TPMT: variants seen among roughly 807,000 people sequenced by gnomAD.
TPMT encodes thiopurine S-methyltransferase, also known as S-adenosyl-L-methionine:thiopurine S-methyltransferase.
Under a neutral mutation model 34.2 loss-of-function variants are expected in TPMT, and 18 were observed. The observed-to-expected ratio is 0.53, with a 90% CI of 0.36 to 0.78. The LOEUF (loss-of-function observed/expected upper bound fraction) is 0.78, where lower values mean the gene tolerates loss of function less well. Among genes scored for constraint, TPMT ranks in the 30% least tolerant of loss-of-function variants. TPMT has a pLI of 0.00. For missense variants in TPMT, 265 were observed against 288.1 expected (o/e 0.92, Z 0.58); for synonymous variants, 69 against 92.4 (o/e 0.75, Z 1.45).
chr6:18,132,237 A>G lies in TPMT; in HGVS notation c.581-60T>C. On this transcript the variant is annotated intron_variant, in intron 7 of 8. Transcript: ENST00000309983. The surrounding 1 kb of genome is among the most constrained non-coding windows in gnomAD (Gnocchi z 4.8). ...CCAATGACGTAGGTGTACTTGTTCT[A>G]CATACAACTTCATTATCCAAATAGG... The G allele has an allele frequency of 2.0e-6, 3 of 1,506,508 alleles. No homozygotes were observed. In the South Asian group the frequency reaches 3.4e-5, roughly 17 times the overall value. The allele number at this position is 1,506,508 out of a possible 1,614,324, so 93.3% of individuals were successfully genotyped here.
intron 6 of TPMT, among the ~76,000 whole-genome samples, chr6:18,134,281 T>C (rs982578170): frequency 2.0e-5 from 3 of 152,148 alleles, no homozygotes; most frequent in Admixed American, 1.3e-4. Flanking sequence ...GGGGTGCTTG[T>C]TGAAAGAAAA....
Position 18,131,199 on chromosome 6 carries a change from CTT to C in TPMT, c.626-421_626-420del, listed in dbSNP as rs1783932962. 6.6e-6 allele frequency among the ~76,000 whole-genome samples: 1 copy of C among 152,202 alleles called. No individual in the cohort carries two copies. Among genetic ancestry groups the C allele is most frequent in the African/African-American group, 2.4e-5 (1 of 41,450 alleles). On this transcript the variant is annotated intron_variant, in intron 8 of 8. Coordinates refer to ENST00000309983, the MANE Select transcript of TPMT (RefSeq NM_000367.5). This position sits in a 1 kb window ranked among gnomAD's most constrained non-coding sequence, Gnocchi z 4.3. ...AACAGTGTACACTAAACATTTTTCTCTTCTTTTTAATCAAAACAGAGGAATGC... is the reference window on the plus strand; with the variant it reads ...AACAGTGTACACTAAACATTTTTCTCCTTTTTAATCAAAACAGAGGAATGC...
At chr6:18,134,792 T>C (rs1053599067) in intron 6 of TPMT, among the ~76,000 whole-genome samples, 4 of 152,148 alleles carry the variant, frequency 2.6e-5, no homozygotes, top group Non-Finnish European at 4.4e-5. Flanking sequence ...AAGTCAGCTA[T>C]GTGGGAATAA....
chr6:18,134,007 C>T lies in TPMT; in HGVS notation c.495-118G>A, dbSNP rs550507177. On this transcript the variant is annotated intron_variant, in intron 6 of 8. Coordinates refer to ENST00000309983, the MANE Select transcript of TPMT (RefSeq NM_000367.5). ...TCGCTGATACTACTGAGTTTAAATT[C>T]TCCTAATAATCACAAGAGGTTGATT... 2.0e-5 allele frequency: 15 copies of T among 767,470 alleles called. No homozygotes were observed. The African/African-American group carries it at 2.3e-4, about 12-fold the overall frequency. 47.5% of individuals were successfully genotyped at this position (767,470 alleles called of 1,614,324 possible). A position where few individuals can be genotyped will look rare whatever the true frequency, so the allele number is the denominator to read the frequency against.
Position 18,140,783 on chromosome 6 carries a change from CT to C in TPMT, c.367-1067del, listed in dbSNP as rs1784123372. Among the ~76,000 whole-genome samples the C allele has an allele frequency of 6.6e-6, 1 of 152,144 alleles. No individual in the cohort carries two copies. Among genetic ancestry groups the C allele is most frequent in the East Asian group, 1.9e-4 (1 of 5,192 alleles). On this transcript the variant is annotated intron_variant, in intron 4 of 8. Transcript: ENST00000309983. The surrounding 1 kb of genome is among the most constrained non-coding windows in gnomAD (Gnocchi z 4.7). ...AGAGGTGACTTTTGAAAGGGTGACA[CT>C]CTAGGGTGTGGACTGGGGGCACACT... is the stretch of plus-strand genomic sequence containing the variant.
In TPMT at chr6:18,133,819, G is replaced by T; in HGVS notation, c.565C>A (p.Pro189Thr). Residue 189 changes from proline to threonine, a missense_variant, in exon 7 of 9, where the codon CCA becomes ACA. Transcript: ENST00000309983. Reference sequence around the variant, plus strand: ...ACAACTTTACCTGGATGTTTAGTTGGATCATAAGAAAGAACACACAGGAGA... The same window carrying T: ...ACAACTTTACCTGGATGTTTAGTTGTATCATAAGAAAGAACACACAGGAGA... ...QYLLCVLSYD[P>T]TKHPGPPFYV... The T allele has an allele frequency of 6.2e-7, 1 of 1,608,830 alleles. No homozygotes were observed. Among genetic ancestry groups the T allele is most frequent in the South Asian group, 1.1e-5 (1 of 89,314 alleles).
Position 18,143,865 on chromosome 6 carries a change from G to T in TPMT, c.234-137C>A. Reference sequence around the variant, plus strand: ...AGGTTCATAGGGTTTCAAAGAACATGCAGGAAAGCAGATCTATATTATTTT... The same window carrying T: ...AGGTTCATAGGGTTTCAAAGAACATTCAGGAAAGCAGATCTATATTATTTT... On this transcript the variant is annotated intron_variant, in intron 3 of 8. Coordinates refer to ENST00000309983, the MANE Select transcript of TPMT (RefSeq NM_000367.5). The surrounding 1 kb of genome is among the most constrained non-coding windows in gnomAD (Gnocchi z 6.1). 2 of 1,133,772 alleles carry T rather than the reference G, an allele frequency of 1.8e-6. No homozygotes were observed. The highest frequency in any genetic ancestry group is 2.5e-6 in the Non-Finnish European group (2 of 795,066). 70.2% of individuals were successfully genotyped at this position (1,133,772 alleles called of 1,614,324 possible). A position where few individuals can be genotyped will look rare whatever the true frequency, so the allele number is the denominator to read the frequency against.
Position 18,149,596 on chromosome 6 carries a change from T to C in TPMT, c.-44-425A>G, listed in dbSNP as rs1481035724. On this transcript the variant is annotated intron_variant, in intron 1 of 8. Transcript: ENST00000309983. The surrounding 1 kb of genome is among the most constrained non-coding windows in gnomAD (Gnocchi z 5.0). ...TTTCAGCCTCCCAAGTAGCTGGGAC[T>C]TCAGGTACACACCACCACACCTGGT... Among the ~76,000 whole-genome samples the C allele has an allele frequency of 6.6e-6, 1 of 152,106 alleles. No homozygotes were observed. Among genetic ancestry groups the C allele is most frequent in the African/African-American group, 2.4e-5 (1 of 41,426 alleles).
In TPMT at chr6:18,140,847, G is replaced by A. The variant is rs1784124405; in HGVS notation, c.367-1130C>T. On this transcript the variant is annotated intron_variant, in intron 4 of 8. Transcript: ENST00000309983. This position sits in a 1 kb window ranked among gnomAD's most constrained non-coding sequence, Gnocchi z 4.7. ...AATATAACATAGACTTTAGGATCCT[G>A]GGAGCTGGGGTGAAGGGCAGTGTAG... Among the ~76,000 whole-genome samples the A allele has an allele frequency of 6.6e-6, 1 of 152,136 alleles. No individual in the cohort carries two copies.
intron 1 of TPMT, among the ~76,000 whole-genome samples, chr6:18,152,652 G>A (rs981492847): frequency 6.6e-6 from 1 of 150,634 alleles, no homozygotes; most frequent in East Asian, 1.9e-4. Flanking sequence ...GCAGTGGTGC[G>A]ATCTTGGCTC....
At position 18,139,415 on chromosome 6, in the gene TPMT, C is replaced by T. The variant is rs1204151250; in HGVS notation, c.419+250G>A. On this transcript the variant is annotated intron_variant, in intron 5 of 8. Coordinates refer to ENST00000309983, the MANE Select transcript of TPMT (RefSeq NM_000367.5). The surrounding 1 kb of genome is among the most constrained non-coding windows in gnomAD (Gnocchi z 4.2). ...AGGCCCAGGTGCAAGGTAGAAGACACTGTCTTACTCACCTTTCTTTTTCCC... is the reference window on the plus strand; with the variant it reads ...AGGCCCAGGTGCAAGGTAGAAGACATTGTCTTACTCACCTTTCTTTTTCCC... Among the ~76,000 whole-genome samples, 3 of 152,242 alleles carry T rather than the reference C, an allele frequency of 2.0e-5. No homozygotes were observed. Among genetic ancestry groups the T allele is most frequent in the Non-Finnish European group, 4.4e-5 (3 of 68,040 alleles).
chr6:18,143,772 G>T lies in TPMT; in HGVS notation c.234-44C>A. 1 of 1,609,304 alleles carries T rather than the reference G, an allele frequency of 6.2e-7. No homozygotes were observed. Among genetic ancestry groups the T allele is most frequent in the South Asian group, 1.1e-5 (1 of 90,686 alleles). On this transcript the variant is annotated intron_variant, in intron 3 of 8. Transcript: ENST00000309983. The surrounding 1 kb of genome is among the most constrained non-coding windows in gnomAD (Gnocchi z 6.1). Reference sequence around the variant, plus strand: ...TTACACTTAAATTATGTTTTCAAATGACTAAATAGAGGGTTATATTAGAGT... The same window carrying T: ...TTACACTTAAATTATGTTTTCAAATTACTAAATAGAGGGTTATATTAGAGT...
intron 6 of TPMT, among the ~76,000 whole-genome samples, chr6:18,134,461 C>CT (rs1554137382): frequency 6.6e-6 from 1 of 151,790 alleles, no homozygotes; most frequent in East Asian, 1.9e-4. Flanking sequence ...ACAAGCAGGC[C>CT]AAAAAAAGGT....
Position 18,143,782 on chromosome 6 carries a change from AG to A in TPMT, c.234-55del. 6.2e-7 allele frequency: 1 copy of A among 1,602,174 alleles called. No homozygotes were observed. The highest frequency in any genetic ancestry group is 8.5e-7 in the Non-Finnish European group (1 of 1,172,036). On this transcript the variant is annotated intron_variant, in intron 3 of 8. Transcript: ENST00000309983. This position sits in a 1 kb window ranked among gnomAD's most constrained non-coding sequence, Gnocchi z 6.1. ...ATTATGTTTTCAAATGACTAAATAG[AG>A]GGTTATATTAGAGTAAGCATATATT...
Position 18,138,734 on chromosome 6 carries a change from C to T in TPMT, c.494+229G>A, listed in dbSNP as rs1279846279. The stretch of plus-strand genomic sequence containing the variant: ...GTTGAATACTTGGACCAAGGCCACA[C>T]AGCTTGAAAGTGATTGAGCCACAAG... On this transcript the variant is annotated intron_variant, in intron 6 of 8. Coordinates refer to ENST00000309983, the MANE Select transcript of TPMT (RefSeq NM_000367.5). The surrounding 1 kb of genome is among the most constrained non-coding windows in gnomAD (Gnocchi z 4.1). Among the ~76,000 whole-genome samples, 1 of 152,174 alleles carries T rather than the reference C, an allele frequency of 6.6e-6. No homozygotes were observed. The highest frequency in any genetic ancestry group is 1.5e-5 in the Non-Finnish European group (1 of 68,028).
chr6:18,130,581 AATTC>A lies in TPMT; in HGVS notation c.*83_*86del. 1.1e-6 allele frequency: 1 copy of A among 906,162 alleles called. No homozygotes were observed. Among genetic ancestry groups the A allele is most frequent in the Non-Finnish European group, 1.8e-6 (1 of 562,394 alleles). The allele number at this position is 906,162 out of a possible 1,614,324, so 56.1% of individuals were successfully genotyped here. A position where few individuals can be genotyped will look rare whatever the true frequency, so the allele number is the denominator to read the frequency against. On this transcript the variant is annotated 3_prime_UTR_variant, in exon 9 of 9. Coordinates refer to ENST00000309983, the MANE Select transcript of TPMT (RefSeq NM_000367.5). This position sits in a 1 kb window ranked among gnomAD's most constrained non-coding sequence, Gnocchi z 4.2. ...CATATGATTTATAAACAATTTTAAA[AATTC>A]ATCCATTACATTTTCAGGCTTTAGC... is the stretch of plus-strand genomic sequence containing the variant.
rs757727579 is a variant in TPMT at position 18,150,182 on chromosome 6, C to A, written c.-44-1011G>T. Among the ~76,000 whole-genome samples the A allele has an allele frequency of 6.6e-6, 1 of 152,220 alleles. No individual in the cohort carries two copies. Among genetic ancestry groups the A allele is most frequent in the Non-Finnish European group, 1.5e-5 (1 of 68,044 alleles). On this transcript the variant is annotated intron_variant, in intron 1 of 8. Transcript: ENST00000309983. This position sits in a 1 kb window ranked among gnomAD's most constrained non-coding sequence, Gnocchi z 5.3. Reference sequence around the variant, plus strand: ...TAATTTGCTAGAGCAACTCACAAACCTCAGAGAAATACTTAGTTATCTTTG... The same window carrying A: ...TAATTTGCTAGAGCAACTCACAAACATCAGAGAAATACTTAGTTATCTTTG...
rs1160810327 is a variant in TPMT at position 18,149,277 on chromosome 6, TTC to T, written c.-44-108_-44-107del. 2.7e-5 allele frequency: 28 copies of T among 1,036,362 alleles called. No individual in the cohort carries two copies. In the East Asian group the frequency reaches 6.1e-4, roughly 22 times the overall value. The allele number at this position is 1,036,362 out of a possible 1,614,324, so 64.2% of individuals were successfully genotyped here. The stretch of plus-strand genomic sequence containing the variant: ...TAGCAGTATGACTTTTTAAAAATAT[TTC>T]TTTCTTTTTTTATTTCTGGTTTTAT... On this transcript the variant is annotated intron_variant, in intron 1 of 8. Transcript: ENST00000309983. The surrounding 1 kb of genome is among the most constrained non-coding windows in gnomAD (Gnocchi z 5.0).
chr6:18,147,438 G>A (rs1784269331), intron 3 of TPMT, among the ~76,000 whole-genome samples: 1 of 152,166 alleles, frequency 6.6e-6, no homozygotes, highest in Admixed American at 6.6e-5. Context: ...CTGCCAAAAA[G>A]CTGTAATTCA....
Sources: gnomAD v4.1 joint callset for allele counts (sites outside exome capture counted in the v4.1 genomes callset) on GRCh38, gnomAD v4.1.1 for gene constraint, Gnocchi (gnomAD v3.1) non-coding constraint, MANE v1.5 for transcripts, NCBI Gene and HGNC (gene_info 2026-07-23, HGNC 2026-07-21) for gene names.